The following PCM1 variants were observed in gnomAD, a reference collection of about 807,000 sequenced individuals.
PCM1 encodes the protein pericentriolar material 1 protein.
Under a neutral mutation model 241.9 loss-of-function variants are expected in PCM1, and 157 were observed. The observed-to-expected ratio is 0.65, with a 90% CI of 0.57 to 0.74. The LOEUF (loss-of-function observed/expected upper bound fraction) is 0.74. PCM1 is among the 30% of genes least tolerant of loss of function. The pLI is 0.00. For missense variants in PCM1, 3,478 were observed against 2,360.1 expected, an observed-to-expected ratio of 1.47 and a Z score of -9.81; for synonymous variants, 1,085 against 784.9, an observed-to-expected ratio of 1.38 and a Z score of -6.39.
chr8:17,936,503 C>G (rs550358787), intron 3 of PCM1, among the ~76,000 whole-genome samples: 63 of 152,220 alleles, frequency 4.1e-4, no homozygotes, highest in African/African-American at 1.4e-3. Context: ...ACTATAAGCA[C>G]TTTTTGTAAT....
intron 9 of PCM1, among the ~76,000 whole-genome samples, chr8:17,953,664 G>T (rs1393244719): frequency 6.6e-6 from 1 of 152,048 alleles, no homozygotes; most frequent in Non-Finnish European, 1.5e-5. Context: ...CCAACTGCTG[G>T]ATTTATATTC....
intron 7 of PCM1, among the ~76,000 whole-genome samples, chr8:17,949,129 A>C (rs79545313): frequency 8.5e-5 from 13 of 152,228 alleles, no homozygotes; most frequent in East Asian, 7.7e-4. Flanking sequence ...AGTATAATGC[A>C]CATGAGTTTG....
chr8:18,019,725 G>C (rs1344579463), intron 36 of PCM1, among the ~76,000 whole-genome samples: 1 of 152,176 alleles, frequency 6.6e-6, no homozygotes, highest in Non-Finnish European at 1.5e-5. Flanking sequence ...GATGGGAGTA[G>C]GTTTAAATAA....
chr8:17,960,394 G>A lies in PCM1; in HGVS notation c.2272G>A (p.Asp758Asn), dbSNP rs1320467216. The A allele has an allele frequency of 3.7e-6, 6 of 1,607,376 alleles. No individual in the cohort carries two copies. In the East Asian group the frequency reaches 1.1e-4, roughly 30 times the overall value. The change falls in exon 15 of 39, where the codon GAC (aspartate) becomes AAC (asparagine). Residue 758 changes from aspartate (D) to asparagine (N), a missense_variant. Transcript: ENST00000325083. ...QLQEERKKLI[D>N]IQEKIQALQT... ...GCAGGAAGAAAGAAAGAAACTGATT[G>A]ACATTCAGGAGAAAATTCAAGCATT...
At chr8:17,950,884 G>A (rs906955839) in intron 8 of PCM1, among the ~76,000 whole-genome samples, 160 bp downstream of exon 8, 1 of 152,236 alleles carries the variant, frequency 6.6e-6, no homozygotes, top group African/African-American at 2.4e-5. Flanking sequence ...TACGATTCAT[G>A]GATTTGGGGT....
At chr8:17,959,785 A>G (rs1423000351) in intron 13 of PCM1, among the ~76,000 whole-genome samples, 1 of 152,132 alleles carries the variant, frequency 6.6e-6, no homozygotes, top group Non-Finnish European at 1.5e-5. Flanking sequence ...GCCTTTTCCA[A>G]ATTTCCCAAT....
At chr8:18,026,456 T>G (rs957851836) in intron 38 of PCM1, among the ~76,000 whole-genome samples, 13 of 151,378 alleles carry the variant, frequency 8.6e-5, no homozygotes, top group African/African-American at 2.9e-4. Context: ...GAGACGGGGT[T>G]TCACCAAGTT....
rs1184397726 is a variant in PCM1, at chr8:17,950,637, C to T, written c.984C>T (p.Ser328=). Residue 328 remains serine (S), a synonymous_variant, in exon 8 of 39, where the codon AGC becomes AGT. Coordinates refer to ENST00000325083, the MANE Select transcript of PCM1 (RefSeq NM_006197.4). ...CAGTTGTTGCAGAAACTGCAGGTAG[C>T]TTATCTGGCGTCAGTATCACATCTG... The part of the protein sequence containing the change: ...DDSVVAETAG[S]LSGVSITSEL... 6.2e-7 allele frequency: 1 copy of T among 1,600,786 alleles called. No individual in the cohort carries two copies. Among genetic ancestry groups the T allele is most frequent in the East Asian group, 2.2e-5 (1 of 44,690 alleles).
chr8:17,973,709 C>T (rs1054302261), intron 23 of PCM1, among the ~76,000 whole-genome samples: 12 of 148,326 alleles, frequency 8.1e-5, no homozygotes, highest in Non-Finnish European at 1.3e-4. Context: ...CAGAGCAAGT[C>T]TCTGTCAGAA....
chr8:17,964,878 A>G (rs2129469265), intron 18 of PCM1, 110 bp downstream of exon 18: 1 of 779,736 alleles, frequency 1.3e-6, no homozygotes, highest in Non-Finnish European at 2.1e-6. Flanking sequence ...CTACAACTCA[A>G]TTCAATTTTT....
At chr8:17,954,649 G>A (rs752573598) in intron 9 of PCM1, among the ~76,000 whole-genome samples, 2 of 152,076 alleles carry the variant, frequency 1.3e-5, no homozygotes, top group Admixed American at 1.3e-4. Context: ...AGGAATTGTG[G>A]TACTAAAGTG....
In PCM1 at chr8:17,989,904, G is replaced by T; in HGVS notation, c.4456G>T (p.Glu1486Ter). The T allele has an allele frequency of 6.5e-7, 1 of 1,546,550 alleles. No individual in the cohort carries two copies. Among genetic ancestry groups the T allele is most frequent in the South Asian group, 1.2e-5 (1 of 83,330 alleles). Residue 1486 changes from glutamate (E) to a stop codon, truncating the protein, a stop_gained, in exon 27 of 39, where the codon GAG becomes TAG. Transcript: ENST00000325083. LOFTEE classifies it high-confidence loss of function. ...NFERETHKIS[E>*]QNDADNASVL... The stretch of plus-strand genomic sequence containing the variant: ...TGAAAGAGAAACCCATAAAATAAGT[G>T]AGCAAAATGATGCTGATAATGCTAG...
Position 17,935,676 on chromosome 8 carries a change from T to C in PCM1, c.66T>C (p.Asn22=). The C allele has an allele frequency of 6.6e-7, 1 of 1,517,018 alleles. No individual in the cohort carries two copies. Among genetic ancestry groups the C allele is most frequent in the Non-Finnish European group, 9.2e-7 (1 of 1,091,778 alleles). The allele number at this position is 1,517,018 out of a possible 1,614,324, so 94.0% of individuals were successfully genotyped here. A position where few individuals can be genotyped will look rare whatever the true frequency, so the allele number is the denominator to read the frequency against. The part of the protein sequence containing the change: ...MNDQDLPNWS[N]ENVDDRLNNM... ...ATCAGGATTTACCAAACTGGAGTAA[T>C]GAGAATGTTGATGACAGGCTCAACA... Residue 22 remains asparagine, a synonymous_variant, in exon 3 of 39, where the codon AAT becomes AAC. Coordinates refer to ENST00000325083, the MANE Select transcript of PCM1 (RefSeq NM_006197.4).
chr8:17,994,081 T>C (rs2085727601), intron 29 of PCM1, among the ~76,000 whole-genome samples: 1 of 152,178 alleles, frequency 6.6e-6, no homozygotes, highest in South Asian at 2.1e-4. Flanking sequence ...AATGTATAAT[T>C]AAATTATTGA....
intron 24 of PCM1, among the ~76,000 whole-genome samples, chr8:17,980,982 A>G (rs1294476315): frequency 6.6e-6 from 1 of 152,230 alleles, no homozygotes; most frequent in Non-Finnish European, 1.5e-5. Context: ...AATTCTAAAC[A>G]AAGGATAGTT....
At chr8:18,001,888 G>A (rs945059632) in intron 29 of PCM1, among the ~76,000 whole-genome samples, 2 of 151,626 alleles carry the variant, frequency 1.3e-5, no homozygotes, top group African/African-American at 2.4e-5. Flanking sequence ...TCAGCTGATC[G>A]TGTCCAGATT....
intron 37 of PCM1, 31 bp downstream of exon 37, chr8:18,025,484 T>G (rs1396247752): frequency 1.3e-6 from 2 of 1,523,800 alleles, no homozygotes; most frequent in Non-Finnish European, 1.8e-6. Flanking sequence ...AAACTTGTCT[T>G]TACATAACAA....
chr8:17,932,393 A>T (rs1480733709), intron 2 of PCM1, among the ~76,000 whole-genome samples: 1 of 152,106 alleles, frequency 6.6e-6, no homozygotes, highest in African/African-American at 2.4e-5. Context: ...TTATATTCTC[A>T]ATGTAGTGTC....
chr8:17,985,806 T>A (rs1270508223), intron 25 of PCM1, among the ~76,000 whole-genome samples, 153 bp from the exon 26 acceptor site: 3 of 151,850 alleles, frequency 2.0e-5, no homozygotes, highest in African/African-American at 7.2e-5. Flanking sequence ...TTGAGTACTT[T>A]TTCAGTGTTT....
Sources: allele counts gnomAD v4.1 joint callset (sites outside exome capture counted in the v4.1 genomes callset), GRCh38; gene constraint gnomAD v4.1.1; transcripts MANE v1.5; gene names NCBI Gene and HGNC (gene_info 2026-07-23, HGNC 2026-07-21).